The following ZNF445 variants were observed in gnomAD, a reference collection of about 807,000 sequenced individuals.
The protein encoded by ZNF445 is zinc finger protein 445.
Under a neutral mutation model 93.9 loss-of-function variants are expected in ZNF445, and 19 were observed. The ratio of observed to expected loss-of-function variants is 0.20; its 90% confidence interval spans 0.14 to 0.30. The LOEUF (loss-of-function observed/expected upper bound fraction) is 0.30. Ranked by LOEUF, ZNF445 falls within the 10% of genes least tolerant of loss-of-function variation. The pLI is 1.00. For missense variants in ZNF445, 1,058 were observed against 1,259.4 expected, an observed-to-expected ratio of 0.84 and a Z score of 2.42; for synonymous variants, 449 against 446.3, an observed-to-expected ratio of 1.01 and a Z score of -0.08.
intron 1 of ZNF445, among the ~76,000 whole-genome samples, chr3:44,465,061 C>T (rs976878761): frequency 8.4e-5 from 9 of 106,706 alleles, no homozygotes; most frequent in Non-Finnish European, 1.5e-4. Context: ...AGTGAGACTC[C>T]GCCTAAAAAA....
chr3:44,465,888 T>C (rs1431340989), intron 1 of ZNF445, among the ~76,000 whole-genome samples: 1 of 152,170 alleles, frequency 6.6e-6, no homozygotes, highest in African/African-American at 2.4e-5. Flanking sequence ...CACTCCAGAC[T>C]GGGCTACAGA....
intron 1 of ZNF445, among the ~76,000 whole-genome samples, chr3:44,475,909 G>C (rs576635257): frequency 6.6e-6 from 1 of 152,178 alleles, no homozygotes; most frequent in Non-Finnish European, 1.5e-5. Flanking sequence ...TGAGGCAGGA[G>C]AATCACTTGA....
At chr3:44,453,288 T>C (rs978826100) in intron 3 of ZNF445, among the ~76,000 whole-genome samples, 1 of 151,860 alleles carries the variant, frequency 6.6e-6, no homozygotes, top group African/African-American at 2.4e-5. Context: ...TGTCTATATA[T>C]GTTTTTTTTT....
intron 2 of ZNF445, 44 bp from the exon 3 acceptor site, chr3:44,455,740 G>A: frequency 1.7e-6 from 1 of 576,640 alleles, no homozygotes; most frequent in Non-Finnish European, 3.0e-6. Flanking sequence ...TATACATGGT[G>A]CAGTTGGATT....
Position 44,447,353 on chromosome 3 carries a change from T to G in ZNF445, c.2318A>C (p.Asn773Thr). The G allele has an allele frequency of 6.2e-7, 1 of 1,614,176 alleles. No individual in the cohort carries two copies. Among genetic ancestry groups the G allele is most frequent in the Non-Finnish European group, 8.5e-7 (1 of 1,180,026 alleles). ...KCSQCGKAFR[N>T]HSFLLIHQRV... Reference sequence around the variant, plus strand: ...CTGATGGATGAGGAGGAATGAGTGATTGCGGAAGGCCTTGCCACACTGGCT... The same window carrying G: ...CTGATGGATGAGGAGGAATGAGTGAGTGCGGAAGGCCTTGCCACACTGGCT... The change falls in exon 8 of 8, where the codon AAT (asparagine) becomes ACT (threonine). Residue 773 changes from asparagine to threonine, a missense_variant. By Grantham distance (65) the Asn-to-Thr change is moderately conservative. Around this residue, in one of 3 missense-constraint regions of ZNF445, gnomAD observed 387 missense variants for 475.7 expected, o/e 0.81. Transcript: ENST00000396077. This position sits in a 1 kb window ranked among gnomAD's most constrained non-coding sequence, Gnocchi z 4.7.
At chr3:44,450,274 A>C (rs1206806590) in intron 6 of ZNF445, 173 bp downstream of exon 6, 1 of 738,118 alleles carries the variant, frequency 1.4e-6, no homozygotes, top group Non-Finnish European at 2.2e-6. Context: ...AATGGCAGGC[A>C]TTATTCTCCC....
chr3:44,460,214 G>A (rs189203499), intron 1 of ZNF445, among the ~76,000 whole-genome samples: 18 of 152,286 alleles, frequency 1.2e-4, no homozygotes, highest in South Asian at 2.1e-4. Context: ...CTTAGACAGC[G>A]AAAGAGATCT....
chr3:44,476,376 T>C (rs1422937466), intron 1 of ZNF445, among the ~76,000 whole-genome samples: 14 of 152,268 alleles, frequency 9.2e-5, no homozygotes, highest in Non-Finnish European at 1.5e-5. Flanking sequence ...AGACTTTTTT[T>C]TTTTTCTAAC....
chr3:44,449,729 A>G, intron 6 of ZNF445, 106 bp from the exon 7 acceptor site: 1 of 871,790 alleles, frequency 1.1e-6, no homozygotes, highest in Non-Finnish European at 1.9e-6. Flanking sequence ...AAAGACCAGG[A>G]AGGCAGGCAG....
rs1462326070 is a variant in ZNF445 at position 44,433,803 on chromosome 3, CCTG to C, written c.*12769_*12771del. 5 of 152,326 alleles carry C rather than the reference CCTG, an allele frequency of 3.3e-5. No homozygotes were observed. The highest frequency in any genetic ancestry group is 1.5e-5 in the Non-Finnish European group (1 of 68,132). 9.4% of individuals were successfully genotyped at this position (152,326 alleles called of 1,614,324 possible). ...GGCCCCACACTTAGAATGGCCTCCGCCTGCTATCTTGCTCTGCTGTCAGGGTCT... is the reference window on the plus strand; with the variant it reads ...GGCCCCACACTTAGAATGGCCTCCGCCTATCTTGCTCTGCTGTCAGGGTCT... On this transcript the variant is annotated 3_prime_UTR_variant, in exon 8 of 8. Coordinates refer to ENST00000396077, the MANE Select transcript of ZNF445 (RefSeq NM_181489.6).
rs921399996 is a variant in ZNF445, at chr3:44,431,751, C to CTA, written c.*14822_*14823dup. The CTA allele has an allele frequency of 3.3e-5, 5 of 151,746 alleles. No homozygotes were observed. Among genetic ancestry groups the CTA allele is most frequent in the African/African-American group, 7.3e-5 (3 of 41,282 alleles). The allele number at this position is 151,746 out of a possible 1,614,324, so 9.4% of individuals were successfully genotyped here. On this transcript the variant is annotated 3_prime_UTR_variant, in exon 8 of 8. Transcript: ENST00000396077. ...CAGACAATACTTTATTACTTCATTT[C>CTA]TATAAAGTACAAAAACAGGCAAAAG...
At chr3:44,458,875 T>A (rs1479506235) in intron 1 of ZNF445, among the ~76,000 whole-genome samples, 4 of 152,158 alleles carry the variant, frequency 2.6e-5, no homozygotes, top group Non-Finnish European at 5.9e-5. Context: ...TAAGCAGAAA[T>A]GCTGCGGAGA....
intron 1 of ZNF445, among the ~76,000 whole-genome samples, chr3:44,469,934 A>G (rs1210859976): frequency 6.6e-6 from 1 of 152,178 alleles, no homozygotes; most frequent in Non-Finnish European, 1.5e-5. Context: ...GAAATGTCTC[A>G]GGCCCGAGGC....
rs1164652865 is a variant in ZNF445 at position 44,455,468 on chromosome 3, T to C, written c.82A>G (p.Lys28Glu). ...RERGRLQTVK[K>E]EEEDESYTPV... ...GTATAGCTTTCATCCTCTTCTTCCT[T>C]CTTTACTGTCTGAAGCCGCCCTCGC... Residue 28 changes from lysine (K) to glutamate (E), a missense_variant, in exon 3 of 8, where the codon AAG (lysine) becomes GAG (glutamate). This residue lies in a region of ZNF445 where 657 missense variants were observed against 746.4 expected (regional missense o/e 0.88). Transcript: ENST00000396077. The C allele has an allele frequency of 6.2e-7, 1 of 1,614,176 alleles. No homozygotes were observed. The highest frequency in any genetic ancestry group is 2.2e-5 in the East Asian group (1 of 44,882).
In ZNF445 at chr3:44,450,907, G is replaced by C. The variant is rs200285925; in HGVS notation, c.654C>G (p.Asp218Glu). 2.7e-4 allele frequency: 431 copies of C among 1,597,740 alleles called. No individual in the cohort carries two copies. The highest frequency in any genetic ancestry group is 3.4e-4 in the Non-Finnish European group (395 of 1,172,636). ...TCAGGGACCTGGTTGGTGTTACCTGGTCTCCCGGGCACCCCTCTCTCGGGA... is the reference window on the plus strand; with the variant it reads ...TCAGGGACCTGGTTGGTGTTACCTGCTCTCCCGGGCACCCCTCTCTCGGGA... ...ALFPREGCPGDQVTPTRSLTA... is the reference protein window; with the variant it reads ...ALFPREGCPGEQVTPTRSLTA... Residue 218 changes from aspartate to glutamate, a missense_variant, in exon 5 of 8, where the codon GAC (aspartate) becomes GAG (glutamate). This residue lies in a region of ZNF445 where 657 missense variants were observed against 746.4 expected (regional missense o/e 0.88). Coordinates refer to ENST00000396077, the MANE Select transcript of ZNF445 (RefSeq NM_181489.6).
chr3:44,470,807 T>C (rs928279161), intron 1 of ZNF445, among the ~76,000 whole-genome samples: 6 of 152,160 alleles, frequency 3.9e-5, no homozygotes, highest in South Asian at 2.1e-4. Context: ...ACTCGTAGGA[T>C]TGAAGATGGC....
At chr3:44,465,143 G>A (rs1234965095) in intron 1 of ZNF445, among the ~76,000 whole-genome samples, 1 of 150,892 alleles carries the variant, frequency 6.6e-6, no homozygotes, top group Non-Finnish European at 1.5e-5. Context: ...AGCTAACATT[G>A]TAACATTTAA....
At chr3:44,463,672 G>C (rs147165338) in intron 1 of ZNF445, among the ~76,000 whole-genome samples, 182 of 152,304 alleles carry the variant, frequency 1.2e-3, no homozygotes, top group African/African-American at 4.2e-3. Context: ...AGGGATACTT[G>C]ACTCTGCACA....
chr3:44,451,412 C>T lies in ZNF445; in HGVS notation c.500G>A (p.Trp167Ter), dbSNP rs1697956032. The T allele has an allele frequency of 6.2e-7, 1 of 1,614,022 alleles. No individual in the cohort carries two copies. Among genetic ancestry groups the T allele is most frequent in the African/African-American group, 1.3e-5 (1 of 74,938 alleles). Residue 167 changes from tryptophan to a stop codon, truncating the protein, a stop_gained, in exon 4 of 8, where the codon TGG becomes TAG. Coordinates refer to ENST00000396077, the MANE Select transcript of ZNF445 (RefSeq NM_181489.6). LOFTEE classifies it high-confidence loss of function. ...GCTCCTGAGAGGTGAAGCAAGGGAC[C>T]ATATCTGTGCAGATCGCAGGGCTCC... is the stretch of plus-strand genomic sequence containing the variant. ...GTGALRSAQI[W>*]SLASPLRSSS...
Sources: gnomAD v4.1 joint callset for allele counts (sites outside exome capture counted in the v4.1 genomes callset) on GRCh38, gnomAD v4.1.1 for gene constraint, gnomAD v4.1.1 regional missense constraint, Gnocchi (gnomAD v3.1) non-coding constraint, MANE v1.5 for transcripts, NCBI Gene and HGNC (gene_info 2026-07-23, HGNC 2026-07-21) for gene names.